NCF2: variants seen among roughly 807,000 people sequenced by gnomAD.
NCF2 encodes the protein neutrophil cytosolic factor 2.
Under a neutral mutation model 70.9 loss-of-function variants are expected in NCF2, and 45 were observed. The ratio of observed to expected loss-of-function variants is 0.63; its 90% confidence interval spans 0.50 to 0.81. The LOEUF is 0.81. Among genes scored for constraint, NCF2 ranks in the 40% least tolerant of loss-of-function variants. The pLI, the probability that NCF2 is intolerant of heterozygous loss-of-function variation, is 0.00. For synonymous variants in NCF2, 203 were observed against 233.6 expected, an observed-to-expected ratio of 0.87 and a Z score of 1.19; for missense variants, 522 against 631.6, an observed-to-expected ratio of 0.83 and a Z score of 1.86.
intron 2 of NCF2, among the ~76,000 whole-genome samples, chr1:183,584,446 G>A (rs1323857518): frequency 6.6e-6 from 1 of 152,172 alleles, no homozygotes; most frequent in Non-Finnish European, 1.5e-5. Flanking sequence ...TCTCTCAGGT[G>A]TAACTATTAA....
At chr1:183,593,420 C>T (rs1164185191), upstream of NCF2, among the ~76,000 whole-genome samples, 1 of 152,142 alleles carries the variant, frequency 6.6e-6, no homozygotes, top group Non-Finnish European at 1.5e-5. Flanking sequence ...GGATATAACC[C>T]GAACTCCTTC....
At chr1:183,577,471 A>C (rs1011541437) in intron 3 of NCF2, 128 bp downstream of exon 3, 4 of 748,952 alleles carry the variant, frequency 5.3e-6, no homozygotes, top group Non-Finnish European at 7.3e-6. Flanking sequence ...TCTGAGTCTC[A>C]AGGCAGAGGA....
At chr1:183,583,875 T>A (rs35445836) in intron 2 of NCF2, among the ~76,000 whole-genome samples, 127 of 152,332 alleles carry the variant, frequency 8.3e-4, no homozygotes, top group African/African-American at 2.7e-3. Flanking sequence ...TTGCTTTTTT[T>A]AAATTTTTTT....
rs1056374600 is a variant in NCF2 at position 183,577,790 on chromosome 1, C to T, written c.258-83G>A. ...TAAAATGTGAGTCTGCTTCTCCCTT[C>T]CCCATCTATTTCACTGGGACAAGAA... is the stretch of plus-strand genomic sequence containing the variant. On this transcript the variant is annotated intron_variant, in intron 2 of 14. Coordinates refer to ENST00000367535, the MANE Select transcript of NCF2 (RefSeq NM_000433.4). 9.9e-6 allele frequency: 10 copies of T among 1,005,744 alleles called. No individual in the cohort carries two copies. The Admixed American group carries it at 1.2e-4, about 13-fold the overall frequency. 62.3% of individuals were successfully genotyped at this position (1,005,744 alleles called of 1,614,324 possible). A position where few individuals can be genotyped will look rare whatever the true frequency, so the allele number is the denominator to read the frequency against.
At chr1:183,599,919 A>G in the NCF2 span, among the ~76,000 whole-genome samples, 1 of 152,158 alleles carries the variant, frequency 6.6e-6, no homozygotes, top group Admixed American at 6.5e-5. Context: ...TACCAATATC[A>G]GTAAGATATT....
At chr1:183,575,850 G>T (rs966960962) in intron 3 of NCF2, among the ~76,000 whole-genome samples, 15 of 152,158 alleles carry the variant, frequency 9.9e-5, no homozygotes, top group African/African-American at 3.4e-4. Context: ...TGGCATTAGT[G>T]GCTGGTGCTG....
At chr1:183,561,816 T>G (rs1051339484) in intron 13 of NCF2, among the ~76,000 whole-genome samples, 1 of 89,644 alleles carries the variant, frequency 1.1e-5, no homozygotes, top group Admixed American at 1.3e-4. Flanking sequence ...TTTTTTTTTT[T>G]TGAGGCAGAA....
rs749367579 is a variant in NCF2, at chr1:183,577,643, C to T, written c.322G>A (p.Asp108Asn). Residue 108 changes from aspartate to asparagine, a missense_variant, in exon 3 of 15, where the codon GAC (aspartate) becomes AAC (asparagine). Transcript: ENST00000367535. ...AACTGGAGCCCCAGGATCTTATAGT[C>T]TATCAGCTGGTTCCCTCGAAGCTGA... is the stretch of plus-strand genomic sequence containing the variant. Reference protein sequence around the residue: ...LIQLRGNQLIDYKILGLQFKL... With the variant: ...LIQLRGNQLINYKILGLQFKL... The T allele has an allele frequency of 1.1e-5, 18 of 1,613,992 alleles. No homozygotes were observed. The highest frequency in any genetic ancestry group is 1.5e-5 in the Non-Finnish European group (18 of 1,179,984).
Position 183,570,775 on chromosome 1 carries a change from C to CT in NCF2, c.669+4dup. Reference sequence around the variant, plus strand: ...GGTCCATGGAGAAGGTCAGGACTGCCTTACCTGTGGTTGCAGAGGGGCAAA... The same window carrying CT: ...GGTCCATGGAGAAGGTCAGGACTGCCTTTACCTGTGGTTGCAGAGGGGCAAA... On this transcript the variant is annotated splice_donor_region_variant and intron_variant, in intron 6 of 14. Coordinates refer to ENST00000367535, the MANE Select transcript of NCF2 (RefSeq NM_000433.4). The CT allele has an allele frequency of 6.2e-7, 1 of 1,614,094 alleles. No homozygotes were observed. The highest frequency in any genetic ancestry group is 8.5e-7 in the Non-Finnish European group (1 of 1,179,962).
Position 183,568,904 on chromosome 1 carries a change from GC to G in NCF2, c.713+237del, listed in dbSNP as rs532549013. 7.2e-5 allele frequency among the ~76,000 whole-genome samples: 11 copies of G among 152,156 alleles called. 1 individual carries two copies. In the South Asian group the frequency reaches 1.5e-3, roughly 20 times the overall value. ...AGCTGCAGCCAAGCCCTGATGGCCA[GC>G]CCCACCACAGTCAAGACTCCCATCC... On this transcript the variant is annotated intron_variant, in intron 7 of 14. Coordinates refer to ENST00000367535, the MANE Select transcript of NCF2 (RefSeq NM_000433.4).
intron 2 of NCF2, among the ~76,000 whole-genome samples, chr1:183,584,816 A>C (rs932232141): frequency 1.3e-5 from 2 of 152,172 alleles, no homozygotes; most frequent in Non-Finnish European, 2.9e-5. Flanking sequence ...CAAGATAAAC[A>C]CCTGCTGTAC....
intron 13 of NCF2, among the ~76,000 whole-genome samples, chr1:183,560,619 C>T (rs2102876694): frequency 6.6e-6 from 1 of 152,290 alleles, no homozygotes; most frequent in East Asian, 1.9e-4. Context: ...CCCTTGCATG[C>T]ACAGTTCACA....
At position 183,573,243 on chromosome 1, in the gene NCF2, C is replaced by T. The variant is rs137854518; in HGVS notation, c.551G>A (p.Arg184Gln). The T allele has an allele frequency of 1.3e-5, 21 of 1,614,102 alleles. No homozygotes were observed. Among genetic ancestry groups the T allele is most frequent in the Non-Finnish European group, 1.7e-5 (20 of 1,180,018 alleles). The change falls in exon 5 of 15, where the codon CGA becomes CAA. Residue 184 changes from arginine to glutamine, a missense_variant. Arg to Gln is a conservative substitution (Grantham distance 43). Transcript: ENST00000367535. ...CTGAGCCACTTGTCTCTCATTTGGT[C>T]GAAACAGCTTGCCCACAGGGATCAC... ...PVVIPVGKLF[R>Q]PNERQVAQLA...
intron 1 of NCF2, among the ~76,000 whole-genome samples, chr1:183,589,555 C>T (rs1403042641): frequency 2.0e-5 from 3 of 152,148 alleles, no homozygotes; most frequent in Admixed American, 6.5e-5. Context: ...GAAAACATAA[C>T]GAAAAAGATG....
intron 2 of NCF2, 25 bp from the exon 3 acceptor site, chr1:183,577,732 A>C: frequency 2.0e-6 from 3 of 1,481,560 alleles, no homozygotes; most frequent in Non-Finnish European, 2.8e-6. Flanking sequence ...GAGAAAATAC[A>C]GCAGTCTAGT....
chr1:183,577,616 T>C lies in NCF2; in HGVS notation c.349A>G (p.Lys117Glu). 2 of 1,613,310 alleles carry C rather than the reference T, an allele frequency of 1.2e-6. No homozygotes were observed. The highest frequency in any genetic ancestry group is 1.7e-6 in the Non-Finnish European group (2 of 1,179,256). ...IDYKILGLQF[K>E]LFACEVLYNI... Reference sequence around the variant, plus strand: ...CTCCTTACCTCACAGGCAAACAGCTTGAACTGGAGCCCCAGGATCTTATAG... The same window carrying C: ...CTCCTTACCTCACAGGCAAACAGCTCGAACTGGAGCCCCAGGATCTTATAG... The change falls in exon 3 of 15, where the codon AAG (lysine) becomes GAG (glutamate). Residue 117 changes from lysine (K) to glutamate (E), a missense_variant. Transcript: ENST00000367535.
At chr1:183,558,721 C>T (rs1332680297) in intron 14 of NCF2, among the ~76,000 whole-genome samples, 4 of 151,920 alleles carry the variant, frequency 2.6e-5, no homozygotes, top group Non-Finnish European at 4.4e-5. Context: ...TGCATCACCA[C>T]GCCCAGCTAA....
rs570377855 is a variant in NCF2, at chr1:183,578,366, C to CT, written c.258-660dup. On this transcript the variant is annotated intron_variant, in intron 2 of 14. Coordinates refer to ENST00000367535, the MANE Select transcript of NCF2 (RefSeq NM_000433.4). Reference sequence around the variant, plus strand: ...TATAGTATTTCCTCCTTTTTTTTTTCTTTTTTTTTGAGACAGGGTCTCACT... The same window carrying CT: ...TATAGTATTTCCTCCTTTTTTTTTTCTTTTTTTTTTGAGACAGGGTCTCACT... Among the ~76,000 whole-genome samples, 241 of 141,698 alleles carry CT rather than the reference C, an allele frequency of 1.7e-3. 1 individual carries two copies. The highest frequency in any genetic ancestry group is 5.8e-3 in the African/African-American group (214 of 36,788). 93.0% of individuals were successfully genotyped at this position (141,698 alleles called of 152,430 possible). A position where few individuals can be genotyped will look rare whatever the true frequency, so the allele number is the denominator to read the frequency against.
chr1:183,599,517 T>G, the NCF2 span, among the ~76,000 whole-genome samples: 1 of 150,176 alleles, frequency 6.7e-6, no homozygotes. Flanking sequence ...CCTTCCTTCC[T>G]TCTTTCTCTC....
Sources: gnomAD v4.1 joint callset for allele counts (sites outside exome capture counted in the v4.1 genomes callset) on GRCh38, gnomAD v4.1.1 for gene constraint, MANE v1.5 for transcripts, NCBI Gene and HGNC (gene_info 2026-07-23, HGNC 2026-07-21) for gene names.